Variants in NRG3 observed in about 807,000 individuals in gnomAD.
NRG3 encodes neuregulin 3, also known as pro-neuregulin-3, membrane-bound isoform.
A neutral mutation model predicts 66.9 loss-of-function variants in NRG3; 31 were observed. That is an observed-to-expected ratio of 0.46 (90% CI 0.35 to 0.63). The LOEUF is 0.63. Among genes scored for constraint, NRG3 ranks in the 20% least tolerant of loss-of-function variants. The pLI is 0.00. For missense variants in NRG3, 910 were observed against 878.9 expected, an observed-to-expected ratio of 1.04 and a Z score of -0.45; for synonymous variants, 393 against 359.4, an observed-to-expected ratio of 1.09 and a Z score of -1.06.
At chr10:82,670,152 C>T (rs1004942583) in intron 2 of NRG3, among the ~76,000 whole-genome samples, 1 of 152,104 alleles carries the variant, frequency 6.6e-6, no homozygotes, top group Admixed American at 6.5e-5. Context: ...TGCCTTCTTT[C>T]ACCCTACTCT....
intron 2 of NRG3, among the ~76,000 whole-genome samples, chr10:82,394,298 C>T (rs1664450796): frequency 6.6e-6 from 1 of 152,200 alleles, no homozygotes. Context: ...GATGAGCGGG[C>T]ACCCGCGAGG....
chr10:81,983,538 G>A (rs756171653), intron 1 of NRG3, among the ~76,000 whole-genome samples: 18 of 152,152 alleles, frequency 1.2e-4, no homozygotes, highest in Non-Finnish European at 4.4e-5. Context: ...AAGGATGAAT[G>A]TTGATATATT....
At chr10:82,872,631 T>A (rs1841438848) in intron 4 of NRG3, among the ~76,000 whole-genome samples, 1 of 151,872 alleles carries the variant, frequency 6.6e-6, no homozygotes, top group Non-Finnish European at 1.5e-5. Context: ...ATAATACATA[T>A]CTCTGGATGT....
rs368161410 is a variant in NRG3, at chr10:81,968,535, G to A, written c.823+92372G>A. ...ACTGGGCACCCCTCTTCCAGCTGCCGTGTTTTGGCAGGAACTCTGAGAATG... is the reference window on the plus strand; with the variant it reads ...ACTGGGCACCCCTCTTCCAGCTGCCATGTTTTGGCAGGAACTCTGAGAATG... On this transcript the variant is annotated intron_variant, in intron 1 of 8. Coordinates refer to ENST00000372141, the MANE Select transcript of NRG3 (RefSeq NM_001010848.4). Among the ~76,000 whole-genome samples, 61 of 152,302 alleles carry A rather than the reference G, an allele frequency of 4.0e-4. 1 individual carries two copies. Among genetic ancestry groups the A allele is most frequent in the African/African-American group, 1.4e-3 (58 of 41,566 alleles).
At chr10:82,921,471 A>T (rs1033023719) in intron 4 of NRG3, among the ~76,000 whole-genome samples, 6 of 152,166 alleles carry the variant, frequency 3.9e-5, no homozygotes, top group Non-Finnish European at 5.9e-5. Context: ...TTCAGTGTTG[A>T]TTCATTCATT....
chr10:82,267,803 C>T (rs2078380702), intron 1 of NRG3, among the ~76,000 whole-genome samples: 1 of 152,136 alleles, frequency 6.6e-6, no homozygotes, highest in East Asian at 1.9e-4. Flanking sequence ...TTTGCATTAT[C>T]TCTGGAAAGA....
At chr10:82,951,657 C>A in intron 5 of NRG3, 86 bp downstream of exon 5, 1 of 1,123,068 alleles carries the variant, frequency 8.9e-7, no homozygotes, top group Non-Finnish European at 1.3e-6. Flanking sequence ...GTGTGCCACA[C>A]AGAGGGAACC....
chr10:82,839,407 G>A (rs969696508), intron 3 of NRG3, among the ~76,000 whole-genome samples: 1 of 151,774 alleles, frequency 6.6e-6, no homozygotes, highest in African/African-American at 2.4e-5. Context: ...GCAGAGTAAA[G>A]GTTTCTAATA....
intron 4 of NRG3, among the ~76,000 whole-genome samples, chr10:82,927,840 A>T (rs1421513904): frequency 6.6e-6 from 1 of 152,136 alleles, no homozygotes; most frequent in Non-Finnish European, 1.5e-5. Context: ...GTGATTTATA[A>T]TCCTTTGGCT....
chr10:82,090,720 A>G, intron 1 of NRG3, among the ~76,000 whole-genome samples: 1 of 149,154 alleles, frequency 6.7e-6, no homozygotes, highest in Non-Finnish European at 1.5e-5. Context: ...AATAATGTTA[A>G]TGGGGGCAAA....
chr10:82,082,948 T>C (rs2065477959), intron 1 of NRG3, among the ~76,000 whole-genome samples: 1 of 147,442 alleles, frequency 6.8e-6, no homozygotes, highest in East Asian at 2.0e-4. Context: ...TATGACATTC[T>C]TTTTTTTTTT....
chr10:82,328,126 A>G (rs1384744951), intron 1 of NRG3, among the ~76,000 whole-genome samples: 2 of 152,222 alleles, frequency 1.3e-5, no homozygotes, highest in East Asian at 1.9e-4. Flanking sequence ...ATAGGTGTTT[A>G]CACAGAATTT....
At chr10:82,944,104 A>G (rs1054738011) in intron 4 of NRG3, among the ~76,000 whole-genome samples, 12 of 152,170 alleles carry the variant, frequency 7.9e-5, no homozygotes, top group Non-Finnish European at 1.5e-4. Context: ...ATAATATACC[A>G]TCATTGTAGC....
chr10:82,615,553 T>C (rs1409866017), intron 2 of NRG3, among the ~76,000 whole-genome samples: 1 of 152,200 alleles, frequency 6.6e-6, no homozygotes, highest in Non-Finnish European at 1.5e-5. Flanking sequence ...GAATGTTTTT[T>C]AAAAATCATG....
At chr10:82,718,725 A>C (rs1187126733) in intron 2 of NRG3, among the ~76,000 whole-genome samples, 2 of 152,196 alleles carry the variant, frequency 1.3e-5, no homozygotes, top group Non-Finnish European at 2.9e-5. Flanking sequence ...GATAAACATG[A>C]CTTCTGCCGT....
chr10:82,156,873 C>T (rs2071229796), intron 1 of NRG3, among the ~76,000 whole-genome samples: 1 of 151,526 alleles, frequency 6.6e-6, no homozygotes, highest in South Asian at 2.1e-4. Flanking sequence ...CATTAATATC[C>T]CATAAGAAGA....
chr10:82,512,094 A>G (rs1356019092), intron 2 of NRG3, among the ~76,000 whole-genome samples: 3 of 152,064 alleles, frequency 2.0e-5, no homozygotes, highest in African/African-American at 7.2e-5. Context: ...ACAATATAAT[A>G]AGGTAGTTGC....
chr10:82,675,308 T>C (rs569090123), intron 2 of NRG3, among the ~76,000 whole-genome samples: 2 of 151,924 alleles, frequency 1.3e-5, no homozygotes, highest in African/African-American at 4.8e-5. Flanking sequence ...GGCTAGACAA[T>C]GGTTGTTTGT....
At chr10:81,926,781 G>C (rs1024925617) in intron 1 of NRG3, among the ~76,000 whole-genome samples, 2 of 152,168 alleles carry the variant, frequency 1.3e-5, no homozygotes, top group East Asian at 3.9e-4. Context: ...AATTATAAGA[G>C]TTTAATCTCC....
Sources: gnomAD v4.1 joint callset for allele counts (sites outside exome capture counted in the v4.1 genomes callset) on GRCh38, gnomAD v4.1.1 for gene constraint, MANE v1.5 for transcripts, NCBI Gene and HGNC (gene_info 2026-07-23, HGNC 2026-07-21) for gene names.